NRXN3: variants seen among roughly 807,000 people sequenced by gnomAD.
NRXN3 encodes neurexin III.
A neutral mutation model predicts 137.6 loss-of-function variants in NRXN3; 32 were observed. The observed-to-expected ratio is 0.23, with a 90% CI of 0.18 to 0.31. NRXN3 has a LOEUF of 0.31. Ranked by LOEUF, NRXN3 falls within the 10% of genes least tolerant of loss-of-function variation. NRXN3 has a pLI of 1.00. For synonymous variants in NRXN3, 798 were observed against 784.5 expected (o/e 1.02, Z -0.29); for missense variants, 1,574 against 2,062.5 (o/e 0.76, Z 4.59).
intron 19 of NRXN3, among the ~76,000 whole-genome samples, chr14:79,772,690 G>C (rs2099082780): frequency 6.6e-6 from 1 of 152,096 alleles, no homozygotes; most frequent in South Asian, 2.1e-4. Flanking sequence ...GAAAACCTAG[G>C]CATTACCATT....
At chr14:79,695,930 T>C (rs2098733912) in intron 18 of NRXN3, among the ~76,000 whole-genome samples, 1 of 151,920 alleles carries the variant, frequency 6.6e-6, no homozygotes, top group African/African-American at 2.4e-5. Context: ...AAAGTATAGA[T>C]CATTTTCACT....
intron 15 of NRXN3, among the ~76,000 whole-genome samples, chr14:78,995,307 T>C (rs928940341): frequency 6.6e-6 from 1 of 152,230 alleles, no homozygotes; most frequent in Non-Finnish European, 1.5e-5. Context: ...ATCTTGCCCA[T>C]ACTCCAAACT....
At chr14:79,347,651 G>A (rs2092962376) in intron 15 of NRXN3, among the ~76,000 whole-genome samples, 1 of 152,110 alleles carries the variant, frequency 6.6e-6, no homozygotes, top group African/African-American at 2.4e-5. Context: ...TGGATCTCCT[G>A]ACCTTGTGAT....
chr14:78,583,632 C>A (rs1328267664), intron 4 of NRXN3, among the ~76,000 whole-genome samples: 2 of 152,130 alleles, frequency 1.3e-5, no homozygotes, highest in Non-Finnish European at 2.9e-5. Context: ...TCACTGTCTG[C>A]AGAAATTAGA....
chr14:78,625,175 A>G (rs2097445542), intron 4 of NRXN3, among the ~76,000 whole-genome samples: 1 of 152,178 alleles, frequency 6.6e-6, no homozygotes, highest in Non-Finnish European at 1.5e-5. Context: ...GCATTTGACT[A>G]GGGACATCTC....
At chr14:79,360,499 T>C (rs1042892913) in intron 15 of NRXN3, among the ~76,000 whole-genome samples, 12 of 152,364 alleles carry the variant, frequency 7.9e-5, no homozygotes, top group African/African-American at 2.9e-4. Flanking sequence ...GCATCTACTA[T>C]GTGCCAATGT....
intron 10 of NRXN3, among the ~76,000 whole-genome samples, chr14:78,859,707 A>G (rs2099067423): frequency 6.6e-6 from 1 of 152,198 alleles, no homozygotes. Flanking sequence ...CTCCCGAGAT[A>G]CTAGAATAGC....
intron 15 of NRXN3, among the ~76,000 whole-genome samples, chr14:79,035,065 C>G (rs1034498693): frequency 4.6e-5 from 7 of 152,092 alleles, no homozygotes; most frequent in Admixed American, 2.6e-4. Flanking sequence ...CTAACAAATC[C>G]TGATATCAAC....
At chr14:79,824,224 C>T (rs965505953) in intron 20 of NRXN3, among the ~76,000 whole-genome samples, 2 of 152,156 alleles carry the variant, frequency 1.3e-5, no homozygotes, top group Non-Finnish European at 2.9e-5. Flanking sequence ...GTCTCTCCCT[C>T]GATAGGATGT....
At chr14:79,201,194 G>A (rs1482935929) in intron 15 of NRXN3, 1 of 152,106 alleles carries the variant, frequency 6.6e-6, no homozygotes, top group Non-Finnish European at 1.5e-5. Context: ...ACAACTCTGT[G>A]CATCCTTTGT....
At chr14:79,747,881 C>G (rs2098984396) in intron 19 of NRXN3, among the ~76,000 whole-genome samples, 1 of 152,112 alleles carries the variant, frequency 6.6e-6, no homozygotes, top group African/African-American at 2.4e-5. Flanking sequence ...TACTGAAACT[C>G]TGTCTTAGTT....
intron 8 of NRXN3, among the ~76,000 whole-genome samples, chr14:78,732,862 C>T (rs2098522979): frequency 6.6e-6 from 1 of 152,138 alleles, no homozygotes; most frequent in South Asian, 2.1e-4. Flanking sequence ...GGATAAGGTT[C>T]TCAGACACTT....
At chr14:79,722,684 C>T (rs2098849055) in intron 19 of NRXN3, among the ~76,000 whole-genome samples, 1 of 152,150 alleles carries the variant, frequency 6.6e-6, no homozygotes, top group East Asian at 1.9e-4. Context: ...TGGAGCTTAT[C>T]ATTATCCTGC....
chr14:79,238,755 GA>G (rs1392966824), intron 15 of NRXN3, among the ~76,000 whole-genome samples: 2 of 152,066 alleles, frequency 1.3e-5, no homozygotes, highest in Admixed American at 1.3e-4. Context: ...AATACTGAGT[GA>G]AAAGTTTATT....
chr14:78,342,714 A>C (rs759759864), intron 4 of NRXN3, among the ~76,000 whole-genome samples: 1 of 152,206 alleles, frequency 6.6e-6, no homozygotes, highest in Non-Finnish European at 1.5e-5. Flanking sequence ...ATGTGTCTAC[A>C]GCACCAAAGC....
chr14:78,800,035 A>G (rs2098833848), intron 8 of NRXN3, among the ~76,000 whole-genome samples: 1 of 152,170 alleles, frequency 6.6e-6, no homozygotes, highest in Non-Finnish European at 1.5e-5. Flanking sequence ...GAATAGAAGA[A>G]ATAAAAATTT....
chr14:79,389,832 T>C (rs931694701), intron 15 of NRXN3, among the ~76,000 whole-genome samples: 1 of 152,106 alleles, frequency 6.6e-6, no homozygotes, highest in Non-Finnish European at 1.5e-5. Context: ...CTAGTACTAG[T>C]GAAAGTCAGG....
chr14:79,640,323 T>C (rs2098426176), intron 16 of NRXN3, among the ~76,000 whole-genome samples: 1 of 135,744 alleles, frequency 7.4e-6, no homozygotes, highest in African/African-American at 2.5e-5. Context: ...TCAGAAATTC[T>C]ATGATCTAAA....
intron 10 of NRXN3, among the ~76,000 whole-genome samples, chr14:78,884,338 C>T (rs956300426): frequency 3.9e-5 from 6 of 152,116 alleles, no homozygotes; most frequent in Non-Finnish European, 7.4e-5. Flanking sequence ...AAGAAAACAG[C>T]AGTGTCGGTG....
Sources: gnomAD v4.1 joint callset for allele counts (sites outside exome capture counted in the v4.1 genomes callset) on GRCh38, gnomAD v4.1.1 for gene constraint, MANE v1.5 for transcripts, NCBI Gene and HGNC (gene_info 2026-07-23, HGNC 2026-07-21) for gene names.